TAS1R1: variants seen among roughly 807,000 people sequenced by gnomAD.
TAS1R1 encodes the protein taste 1 receptor member 1, also known as taste receptor type 1 member 1.
A neutral mutation model predicts 45.8 loss-of-function variants in TAS1R1; 31 were observed. The observed-to-expected ratio is 0.68, with a 90% CI of 0.51 to 0.91. The LOEUF is 0.91. Ranked by LOEUF, TAS1R1 falls within the 40% of genes least tolerant of loss-of-function variation. TAS1R1 has a pLI of 0.00. For missense variants in TAS1R1, 1,051 were observed against 1,063.9 expected, an observed-to-expected ratio of 0.99 and a Z score of 0.17; for synonymous variants, 437 against 448.4, an observed-to-expected ratio of 0.97 and a Z score of 0.32.
In TAS1R1 at chr1:6,562,565, ACT is replaced by A. The variant is rs562087911; in HGVS notation, c.191+7003_191+7004del. Reference sequence around the variant, plus strand: ...ACCCTGCCTCAGCTCCTCTCCCAACACTCAGCTTTTCTCCCAACAGACAAGCC... The same window carrying A: ...ACCCTGCCTCAGCTCCTCTCCCAACACAGCTTTTCTCCCAACAGACAAGCC... On this transcript the variant is annotated intron_variant, in intron 1 of 5. Coordinates refer to ENST00000333172, the MANE Select transcript of TAS1R1 (RefSeq NM_138697.4). Among the ~76,000 whole-genome samples, 24 of 151,926 alleles carry A rather than the reference ACT, an allele frequency of 1.6e-4. No individual in the cohort carries two copies. The East Asian group carries it at 4.1e-3, about 26-fold the overall frequency.
chr1:6,555,659 T>C, intron 1 of TAS1R1, 95 bp downstream of exon 1: 3 of 1,246,980 alleles, frequency 2.4e-6, no homozygotes, highest in Non-Finnish European at 3.3e-6. Flanking sequence ...GCCTCTGCCT[T>C]TGCCCCTTGA....
intron 1 of TAS1R1, among the ~76,000 whole-genome samples, chr1:6,570,444 C>CAAA (rs35825229): frequency 9.1e-5 from 9 of 98,520 alleles, no homozygotes; most frequent in Non-Finnish European, 1.0e-4. Context: ...TAACACATCT[C>CAAA]AAAAAAAAAA....
chr1:6,555,866 C>CTTTTTTTTTTTTTTTTTTT (rs770363613), intron 1 of TAS1R1, among the ~76,000 whole-genome samples: 1 of 95,304 alleles, frequency 1.0e-5, no homozygotes, highest in Non-Finnish European at 2.0e-5. Context: ...TTTCCCTCTT[C>CTTTTTTTTTTTTTTTTTTT]TTTTTTTTTT....
chr1:6,577,512 C>T (rs986038181), intron 5 of TAS1R1, among the ~76,000 whole-genome samples: 1 of 138,016 alleles, frequency 7.2e-6, no homozygotes, highest in African/African-American at 2.8e-5. Context: ...GACCACAAAG[C>T]GAGAATTCGT....
intron 1 of TAS1R1, among the ~76,000 whole-genome samples, chr1:6,569,161 T>TGGG (rs1440933912): frequency 9.0e-6 from 1 of 110,850 alleles, no homozygotes; most frequent in Non-Finnish European, 1.8e-5. Context: ...GGTGGGGGAT[T>TGGG]GGGGTGGTTT....
rs745660862 is a variant in TAS1R1, at chr1:6,579,471, G to C, written c.2413G>C (p.Gly805Arg). ...AGLSSLSSGF[G>R]GYFLPKCYVI... ...GCTGAGCAGCCTGAGCAGCGGCTTC[G>C]GTGGGTATTTTCTGCCTAAGTGCTA... The change falls in exon 6 of 6, where the codon GGT (glycine) becomes CGT (arginine). Residue 805 changes from glycine (G) to arginine (R), a missense_variant. Transcript: ENST00000333172. The C allele has an allele frequency of 1.9e-6, 3 of 1,614,026 alleles. No homozygotes were observed. The highest frequency in any genetic ancestry group is 1.7e-6 in the Non-Finnish European group (2 of 1,180,016).
At position 6,555,550 on chromosome 1, in the gene TAS1R1, G is replaced by T; in HGVS notation, c.177G>T (p.Val59=). ...TGCAGGTGAGGCACAGACCCGAGGT[G>T]ACCCTGTGTGACAGGTGAGTGAGGG... ...GCLQVRHRPE[V]TLCDRSCSFN... is the part of the protein sequence containing the mutation. The change falls in exon 1 of 6, where the codon GTG becomes GTT. Residue 59 remains valine (V), a synonymous_variant. Transcript: ENST00000333172. 6.5e-7 allele frequency: 1 copy of T among 1,548,380 alleles called. No individual in the cohort carries two copies. Among genetic ancestry groups the T allele is most frequent in the South Asian group, 1.2e-5 (1 of 84,044 alleles).
rs35268740 is a variant in TAS1R1, at chr1:6,556,385, T to TTCTATCTATCTATCTA, written c.191+831_191+846dup. On this transcript the variant is annotated intron_variant, in intron 1 of 5. Coordinates refer to ENST00000333172, the MANE Select transcript of TAS1R1 (RefSeq NM_138697.4). ...AGGGAAACTACTGCTTTTCTTTTATTTCTATCTATCTATCTATCTATCTAT... is the reference window on the plus strand; with the variant it reads ...AGGGAAACTACTGCTTTTCTTTTATTTCTATCTATCTATCTATCTATCTATCTATCTATCTATCTAT... 7.4e-3 allele frequency among the ~76,000 whole-genome samples: 1,113 copies of TTCTATCTATCTATCTA among 150,222 alleles called. 7 individuals are homozygous for TTCTATCTATCTATCTA. The highest frequency in any genetic ancestry group is 0.021 in the Middle Eastern group (6 of 292).
At chr1:6,558,941 G>A (rs1570103404) in intron 1 of TAS1R1, among the ~76,000 whole-genome samples, 1 of 150,796 alleles carries the variant, frequency 6.6e-6, no homozygotes, top group African/African-American at 2.4e-5. Flanking sequence ...GCCCAGGCTG[G>A]AGTGCAGTGG....
chr1:6,559,189 G>A (rs1000768276), intron 1 of TAS1R1, among the ~76,000 whole-genome samples: 54 of 150,762 alleles, frequency 3.6e-4, no homozygotes, highest in African/African-American at 1.2e-3. Context: ...CGCCACGCCC[G>A]GCCCCAATTT....
At position 6,555,564 on chromosome 1, in the gene TAS1R1, GGTGA is replaced by G. The variant is rs1286973295; in HGVS notation, c.191+6_191+9del. ...AGACCCGAGGTGACCCTGTGTGACA[GGTGA>G]GTGAGGGGCCAGCAGAGCCACACTT... On this transcript the variant is annotated splice_donor_variant and splice_donor_region_variant and intron_variant, in intron 1 of 5. Coordinates refer to ENST00000333172, the MANE Select transcript of TAS1R1 (RefSeq NM_138697.4). LOFTEE classifies it high-confidence loss of function. 2.6e-6 allele frequency: 4 copies of G among 1,544,234 alleles called. No individual in the cohort carries two copies. Among genetic ancestry groups the G allele is most frequent in the East Asian group, 2.5e-5 (1 of 40,706 alleles).
rs1418712907 is a variant in TAS1R1 at position 6,574,278 on chromosome 1, C to A, written c.499-353C>A. ...TCCTCCTGTGAGGCCCGGTTCCTAACAGGCCACTGACCTAACTTCTGCCCT... is the reference window on the plus strand; with the variant it reads ...TCCTCCTGTGAGGCCCGGTTCCTAAAAGGCCACTGACCTAACTTCTGCCCT... On this transcript the variant is annotated intron_variant, in intron 2 of 5. Coordinates refer to ENST00000333172, the MANE Select transcript of TAS1R1 (RefSeq NM_138697.4). This position sits in a 1 kb window ranked among gnomAD's most constrained non-coding sequence, Gnocchi z 4.3. 1.3e-5 allele frequency among the ~76,000 whole-genome samples: 2 copies of A among 152,160 alleles called. No homozygotes were observed.
chr1:6,562,458 G>A lies in TAS1R1; in HGVS notation c.191+6894G>A, dbSNP rs1359541261. Among the ~76,000 whole-genome samples, 33 of 152,260 alleles carry A rather than the reference G, an allele frequency of 2.2e-4. No individual in the cohort carries two copies. In the East Asian group the frequency reaches 3.1e-3, roughly 14 times the overall value. The stretch of plus-strand genomic sequence containing the variant: ...GCTGGGATTACAGGCATGAGCCACC[G>A]CGCCTGCCCAGGCCACGGGGGTTTT... On this transcript the variant is annotated intron_variant, in intron 1 of 5. Coordinates refer to ENST00000333172, the MANE Select transcript of TAS1R1 (RefSeq NM_138697.4).
intron 1 of TAS1R1, among the ~76,000 whole-genome samples, chr1:6,557,359 C>T (rs1639704398): frequency 6.6e-6 from 1 of 152,098 alleles, no homozygotes; most frequent in African/African-American, 2.4e-5. Flanking sequence ...TGGTAGAAAC[C>T]ATGGAAGACC....
intron 2 of TAS1R1, 104 bp downstream of exon 2, chr1:6,571,319 ATC>A: frequency 7.8e-7 from 1 of 1,278,846 alleles, no homozygotes. Context: ...TGCCCCCTGG[ATC>A]TCTTGGGTGG....
rs981480037 is a variant in TAS1R1 at position 6,575,313 on chromosome 1, A to G, written c.1181A>G (p.Tyr394Cys). 1 of 1,612,676 alleles carries G rather than the reference A, an allele frequency of 6.2e-7. No homozygotes were observed. The highest frequency in any genetic ancestry group is 8.5e-7 in the Non-Finnish European group (1 of 1,179,844). Residue 394 changes from tyrosine to cysteine, a missense_variant, in exon 3 of 6, where the codon TAT (tyrosine) becomes TGT (cysteine). Transcript: ENST00000333172. ...SSAYNAYRAV[Y>C]AVAHGLHQLL... is the part of the protein sequence containing the mutation. Reference sequence around the variant, plus strand: ...GCCTACAACGCATACCGGGCTGTGTATGCGGTGGCCCATGGCCTCCACCAG... The same window carrying G: ...GCCTACAACGCATACCGGGCTGTGTGTGCGGTGGCCCATGGCCTCCACCAG...
chr1:6,571,297 C>T, intron 2 of TAS1R1, 82 bp downstream of exon 2: 1 of 1,421,900 alleles, frequency 7.0e-7, no homozygotes, highest in Non-Finnish European at 9.4e-7. Flanking sequence ...TGCTGTCCCC[C>T]CCAAGGCTGC....
chr1:6,560,986 CAAA>C (rs35928406), intron 1 of TAS1R1, among the ~76,000 whole-genome samples: 3 of 92,978 alleles, frequency 3.2e-5, no homozygotes, highest in Non-Finnish European at 3.9e-5. Context: ...GACTCTGTCT[CAAA>C]AAAAAAAAAA....
intron 1 of TAS1R1, among the ~76,000 whole-genome samples, chr1:6,570,414 C>T (rs931562045): frequency 4.7e-5 from 7 of 149,128 alleles, no homozygotes; most frequent in Admixed American, 3.4e-4. Context: ...TGGCGGAGGG[C>T]CTTTGCTGGG....
Sources: allele counts gnomAD v4.1 joint callset (sites outside exome capture counted in the v4.1 genomes callset), GRCh38; gene constraint gnomAD v4.1.1; non-coding constraint Gnocchi (gnomAD v3.1); transcripts MANE v1.5; gene names NCBI Gene and HGNC (gene_info 2026-07-23, HGNC 2026-07-21).